The following LRRC15 variants were observed in gnomAD, a reference collection of about 807,000 sequenced individuals.
LRRC15 encodes the protein leucine rich repeat containing 15.
LRRC15 carries 5 observed loss-of-function variants against 4.3 expected under a neutral mutation model. The ratio of observed to expected loss-of-function variants is 1.16; its 90% CI spans 0.61 to 2.44. The LOEUF (loss-of-function observed/expected upper bound fraction) is 2.44. Among genes scored for constraint, LRRC15 ranks in the 30% most tolerant of loss-of-function variants. LRRC15 has a pLI of 0.01. For missense variants in LRRC15, 769 were observed against 747.0 expected (o/e 1.03, Z -0.34); for synonymous variants, 337 against 323.2 (o/e 1.04, Z -0.46).
Position 194,360,619 on chromosome 3 carries a change from G to A in LRRC15, c.425C>T (p.Pro142Leu), listed in dbSNP as rs201419033. 203 of 1,614,184 alleles carry A rather than the reference G, an allele frequency of 1.3e-4. No individual in the cohort carries two copies. Among genetic ancestry groups the A allele is most frequent in the South Asian group, 6.7e-4 (61 of 91,084 alleles). The change falls in exon 2 of 2, where the codon CCG becomes CTG. Residue 142 changes from proline to leucine, a missense_variant. By Grantham distance (98) the Pro-to-Leu change is moderately conservative. Coordinates refer to ENST00000347624, the MANE Select transcript of LRRC15 (RefSeq NM_130830.5). ...GTTGCTGCACTGGGAGAAGTGGGCC[G>A]GCTGGATCTGCAACAGCTGGTTACT... The part of the protein sequence containing the change: ...LSSNQLLQIQ[P>L]AHFSQCSNLK...
chr3:194,362,557 C>G (rs557676694), intron 1 of LRRC15, among the ~76,000 whole-genome samples: 2 of 152,256 alleles, frequency 1.3e-5, no homozygotes, highest in African/African-American at 4.8e-5. Context: ...GCAATCACTG[C>G]CGGTCACTCA....
At position 194,360,435 on chromosome 3, in the gene LRRC15, C is replaced by T; in HGVS notation, c.609G>A (p.Arg203=). 2 of 1,614,142 alleles carry T rather than the reference C, an allele frequency of 1.2e-6. No homozygotes were observed. The highest frequency in any genetic ancestry group is 1.7e-6 in the Non-Finnish European group (2 of 1,180,022). The change falls in exon 2 of 2, where the codon CGG becomes CGA. Residue 203 remains arginine (R), a synonymous_variant. Transcript: ENST00000347624. Reference sequence around the variant, plus strand: ...TATCCGTGAGCCTGTTCTCATACAGCCGGAGGACCTGGAGGTTGCCCAGGT... The same window carrying T: ...TATCCGTGAGCCTGTTCTCATACAGTCGGAGGACCTGGAGGTTGCCCAGGT... ...FQHLGNLQVL[R]LYENRLTDIP... is the part of the protein sequence containing the mutation.
In LRRC15 at chr3:194,357,305, G is replaced by A. The variant is rs1358434469; in HGVS notation, c.*1993C>T. 1.3e-5 allele frequency: 2 copies of A among 151,370 alleles called. No homozygotes were observed. The highest frequency in any genetic ancestry group is 2.1e-4 in the South Asian group (1 of 4,754). 9.4% of individuals were successfully genotyped at this position (151,370 alleles called of 1,614,324 possible). Reference sequence around the variant, plus strand: ...CAGATCACAGGTGTCTTGTGGAGCGGGGAGCTAATAAGAGCCGATCGGGAT... The same window carrying A: ...CAGATCACAGGTGTCTTGTGGAGCGAGGAGCTAATAAGAGCCGATCGGGAT... On this transcript the variant is annotated 3_prime_UTR_variant, in exon 2 of 2. Coordinates refer to ENST00000347624, the MANE Select transcript of LRRC15 (RefSeq NM_130830.5).
In LRRC15 at chr3:194,360,420, C is replaced by A. The variant is rs1232764506; in HGVS notation, c.624G>T (p.Arg208Ser). 2 of 1,614,140 alleles carry A rather than the reference C, an allele frequency of 1.2e-6. No individual in the cohort carries two copies. Among genetic ancestry groups the A allele is most frequent in the Non-Finnish European group, 1.7e-6 (2 of 1,180,034 alleles). The change falls in exon 2 of 2, where the codon AGG becomes AGT. Residue 208 changes from arginine to serine, a missense_variant. Transcript: ENST00000347624. Reference sequence around the variant, plus strand: ...AAGTGCCCATGGGGATATCCGTGAGCCTGTTCTCATACAGCCGGAGGACCT... The same window carrying A: ...AAGTGCCCATGGGGATATCCGTGAGACTGTTCTCATACAGCCGGAGGACCT... ...NLQVLRLYEN[R>S]LTDIPMGTFD...
At position 194,359,235 on chromosome 3, in the gene LRRC15, G is replaced by C. The variant is rs1351077540; in HGVS notation, c.*63C>G. The C allele has an allele frequency of 6.9e-7, 1 of 1,454,302 alleles. No homozygotes were observed. The highest frequency in any genetic ancestry group is 9.3e-7 in the Non-Finnish European group (1 of 1,080,506). 90.1% of individuals were successfully genotyped at this position (1,454,302 alleles called of 1,614,324 possible). A position where few individuals can be genotyped will look rare whatever the true frequency, so the allele number is the denominator to read the frequency against. On this transcript the variant is annotated 3_prime_UTR_variant, in exon 2 of 2. Transcript: ENST00000347624. The stretch of plus-strand genomic sequence containing the variant: ...CTCCATGGACCCAGGGGTGGAGGCA[G>C]AAAGATGAAATTCCCAGGTCCTCCA...
Position 194,362,944 on chromosome 3 carries a change from T to G in LRRC15, c.-3-1898A>C, listed in dbSNP as rs776395356. Among the ~76,000 whole-genome samples the G allele has an allele frequency of 1.5e-4, 22 of 146,618 alleles. No individual in the cohort carries two copies. The East Asian group carries it at 2.4e-3, about 16-fold the overall frequency. ...ACCACACAGACCTTGATTTTGTTTT[T>G]TTTTTTTTTTTTTTTGAGATGGAGT... On this transcript the variant is annotated intron_variant, in intron 1 of 1. Transcript: ENST00000347624.
rs533879293 is a variant in LRRC15, at chr3:194,356,347, A to T, written c.*2951T>A. The stretch of plus-strand genomic sequence containing the variant: ...CCAGATGGGCGTGGGACTGTCAAGG[A>T]GCTGTAAACAGAGAGGAAAACTGAA... On this transcript the variant is annotated 3_prime_UTR_variant, in exon 2 of 2. Coordinates refer to ENST00000347624, the MANE Select transcript of LRRC15 (RefSeq NM_130830.5). The T allele has an allele frequency of 6.6e-6, 1 of 152,316 alleles. No homozygotes were observed. The highest frequency in any genetic ancestry group is 1.9e-4 in the East Asian group (1 of 5,190). The allele number at this position is 152,316 out of a possible 1,614,324, so 9.4% of individuals were successfully genotyped here. A position where few individuals can be genotyped will look rare whatever the true frequency, so the allele number is the denominator to read the frequency against.
chr3:194,367,910 G>T (rs560980585), intron 1 of LRRC15, among the ~76,000 whole-genome samples: 2 of 152,322 alleles, frequency 1.3e-5, no homozygotes, highest in African/African-American at 4.8e-5. Flanking sequence ...ATCCTCCCAG[G>T]TCTGGCTTCC....
At chr3:194,361,689 A>C (rs1384395898) in intron 1 of LRRC15, among the ~76,000 whole-genome samples, 1 of 152,200 alleles carries the variant, frequency 6.6e-6, no homozygotes, top group Non-Finnish European at 1.5e-5. Flanking sequence ...CAGCGGCGGC[A>C]GAGTTAGGAC....
chr3:194,364,833 G>T (rs1371216062), intron 1 of LRRC15, among the ~76,000 whole-genome samples: 1 of 152,244 alleles, frequency 6.6e-6, no homozygotes. Context: ...ACTTTCCACT[G>T]CTGTGGCTGG....
chr3:194,366,993 G>A (rs892793202), intron 1 of LRRC15, among the ~76,000 whole-genome samples: 1 of 152,200 alleles, frequency 6.6e-6, no homozygotes, highest in African/African-American at 2.4e-5. Context: ...TGGGGAGGAG[G>A]TGGATTTGCA....
chr3:194,367,916 C>T (rs1713827066), intron 1 of LRRC15, among the ~76,000 whole-genome samples: 2 of 152,250 alleles, frequency 1.3e-5, no homozygotes, highest in Non-Finnish European at 2.9e-5. Flanking sequence ...CCAGGTCTGG[C>T]TTCCTGCAGA....
rs1713445307 is a variant in LRRC15, at chr3:194,356,937, G to A, written c.*2361C>T. 2 of 152,350 alleles carry A rather than the reference G, an allele frequency of 1.3e-5. No individual in the cohort carries two copies. Among genetic ancestry groups the A allele is most frequent in the South Asian group, 2.1e-4 (1 of 4,836 alleles). The allele number at this position is 152,350 out of a possible 1,614,324, so 9.4% of individuals were successfully genotyped here. A position where few individuals can be genotyped will look rare whatever the true frequency, so the allele number is the denominator to read the frequency against. On this transcript the variant is annotated 3_prime_UTR_variant, in exon 2 of 2. Coordinates refer to ENST00000347624, the MANE Select transcript of LRRC15 (RefSeq NM_130830.5). The stretch of plus-strand genomic sequence containing the variant: ...CCAGGCACAGCAGGCCACCATCAGC[G>A]GGTGATGCTCATGTGCCATGCTCTG...
rs1288120833 is a variant in LRRC15 at position 194,358,660 on chromosome 3, A to G, written c.*638T>C. ...CTTCTGTCTCCAGGAACTGAGCGGC[A>G]TGATTTTCCTTCTCTCTTTCATAGC... On this transcript the variant is annotated 3_prime_UTR_variant, in exon 2 of 2. Transcript: ENST00000347624. The G allele has an allele frequency of 6.6e-6, 1 of 152,498 alleles. No homozygotes were observed. Among genetic ancestry groups the G allele is most frequent in the African/African-American group, 2.4e-5 (1 of 41,430 alleles). 9.4% of individuals were successfully genotyped at this position (152,498 alleles called of 1,614,324 possible). A position where few individuals can be genotyped will look rare whatever the true frequency, so the allele number is the denominator to read the frequency against.
intron 1 of LRRC15, among the ~76,000 whole-genome samples, chr3:194,362,935 TTTTG>T (rs869278884): frequency 0.018 from 1,636 of 91,082 alleles, 37 homozygotes; most frequent in African/African-American, 0.056. Flanking sequence ...CAGACCTTGA[TTTTG>T]TTTTTTTTTT....
intron 1 of LRRC15, among the ~76,000 whole-genome samples, chr3:194,363,024 C>G (rs893405301): frequency 2.7e-5 from 4 of 147,812 alleles, no homozygotes; most frequent in Non-Finnish European, 4.5e-5. Context: ...TCACTGCAAA[C>G]TCCACCTCCC....
chr3:194,359,357 AG>A lies in LRRC15; in HGVS notation c.1686del (p.Cys563AlafsTer10). On this transcript the variant is annotated frameshift_variant, in exon 2 of 2. Transcript: ENST00000347624. LOFTEE classifies it high-confidence loss of function. ...ACAGCTTGGCTCCTCTTCTTGCAGC[AG>A]CAACAGCCGACGCAGGCAGCCAGGG... ...ACSLAACVGC[C>X]CCKKRSQAVL... 1 of 1,613,922 alleles carries A rather than the reference AG, an allele frequency of 6.2e-7. No individual in the cohort carries two copies. The highest frequency in any genetic ancestry group is 8.5e-7 in the Non-Finnish European group (1 of 1,179,910).
intron 1 of LRRC15, among the ~76,000 whole-genome samples, chr3:194,367,330 C>A (rs1577002286): frequency 6.6e-6 from 1 of 151,802 alleles, no homozygotes; most frequent in South Asian, 2.1e-4. Flanking sequence ...TTTTTTGAGA[C>A]GGAGTCTTGC....
rs371905110 is a variant in LRRC15 at position 194,361,040 on chromosome 3, G to C, written c.4C>G (p.Pro2Ala). 28 of 1,505,732 alleles carry C rather than the reference G, an allele frequency of 1.9e-5. No individual in the cohort carries two copies. The African/African-American group carries it at 3.6e-4, about 19-fold the overall frequency. 93.3% of individuals were successfully genotyped at this position (1,505,732 alleles called of 1,614,324 possible). A position where few individuals can be genotyped will look rare whatever the true frequency, so the allele number is the denominator to read the frequency against. Residue 2 changes from proline (P) to alanine (A), a missense_variant, in exon 2 of 2, where the codon CCA becomes GCA. Transcript: ENST00000347624. ...AGCAAAAGGAGATAATGCTTCAGTG[G>C]CATAGCCTGTGCAAGGGGAGAGAGC... MPLKHYLLLLVG... is the reference protein window; with the variant it reads MALKHYLLLLVG...
Sources: allele counts gnomAD v4.1 joint callset (sites outside exome capture counted in the v4.1 genomes callset), GRCh38; gene constraint gnomAD v4.1.1; transcripts MANE v1.5; gene names NCBI Gene and HGNC (gene_info 2026-07-23, HGNC 2026-07-21).